The following C3orf52 variants were observed in gnomAD, a reference collection of about 807,000 sequenced individuals.
The protein encoded by C3orf52 is TPA-induced transmembrane protein.
In C3orf52, 22 loss-of-function variants were observed where a neutral mutation model predicts 24.8. The ratio of observed to expected loss-of-function variants is 0.89; its 90% CI spans 0.63 to 1.27. The LOEUF is 1.27. Among genes scored for constraint, C3orf52 ranks in the 50% most tolerant of loss-of-function variants. The pLI, the probability that C3orf52 is intolerant of heterozygous loss-of-function variation, is 0.00. For synonymous variants in C3orf52, 93 were observed against 100.2 expected, an observed-to-expected ratio of 0.93 and a Z score of 0.43; for missense variants, 265 against 260.7, an observed-to-expected ratio of 1.02 and a Z score of -0.11.
At chr3:112,115,329 A>G (rs2074124910) in intron 5 of C3orf52, among the ~76,000 whole-genome samples, 1 of 152,062 alleles carries the variant, frequency 6.6e-6, no homozygotes. Context: ...CAAACTCTAG[A>G]GAAAGGGAAA....
intron 4 of C3orf52, chr3:112,112,542 G>A (rs982530904): frequency 5.0e-5 from 10 of 198,800 alleles, no homozygotes; most frequent in Non-Finnish European, 9.5e-5. Context: ...GCACACCTTT[G>A]TGGGGGCAAT....
intron 3 of C3orf52, 122 bp from the exon 4 acceptor site, chr3:112,109,421 T>G (rs959532964): frequency 3.8e-6 from 2 of 519,510 alleles, no homozygotes; most frequent in Non-Finnish European, 3.5e-6. Flanking sequence ...AGCTTCCAGA[T>G]AACGTTGATT....
chr3:112,133,292 G>A, downstream of C3orf52: 1 of 694,586 alleles, frequency 1.4e-6, no homozygotes, highest in South Asian at 1.8e-5. Context: ...GAGGCTGGGG[G>A]AGGAGTGTTA....
downstream of C3orf52, chr3:112,119,574 C>T: frequency 1.4e-6 from 1 of 701,290 alleles, no homozygotes; most frequent in East Asian, 2.7e-5. Flanking sequence ...TACATATTCT[C>T]TCTTTTGTCT....
At chr3:112,133,172 G>C (rs768683994), downstream of C3orf52, 2 of 1,602,360 alleles carry the variant, frequency 1.2e-6, no homozygotes, top group African/African-American at 2.7e-5. Context: ...CTTCCTTCTT[G>C]CCTTGTGCTC....
At chr3:112,100,821 T>A (rs2073966316) in intron 2 of C3orf52, among the ~76,000 whole-genome samples, 1 of 152,350 alleles carries the variant, frequency 6.6e-6, no homozygotes, top group South Asian at 2.1e-4. Context: ...GCAAGGAATT[T>A]TAAGCACATG....
At chr3:112,103,975 G>A (rs1010247039) in intron 3 of C3orf52, among the ~76,000 whole-genome samples, 1 of 152,174 alleles carries the variant, frequency 6.6e-6, no homozygotes, top group Non-Finnish European at 1.5e-5. Flanking sequence ...CTGTGTTTTG[G>A]TGGAGAAAGC....
At chr3:112,116,009 A>G (rs945470094) in intron 5 of C3orf52, among the ~76,000 whole-genome samples, 3 of 152,192 alleles carry the variant, frequency 2.0e-5, no homozygotes, top group Non-Finnish European at 4.4e-5. Context: ...TTTTGGACAC[A>G]GAGGAGGTAC....
At chr3:112,114,644 C>T (rs1268553768) in intron 5 of C3orf52, among the ~76,000 whole-genome samples, 5 of 151,834 alleles carry the variant, frequency 3.3e-5, no homozygotes, top group African/African-American at 7.3e-5. Context: ...GCAGAGGTTG[C>T]GGTGAGCCGA....
chr3:112,092,411 A>C (rs1275964035), intron 1 of C3orf52, among the ~76,000 whole-genome samples: 1 of 152,110 alleles, frequency 6.6e-6, no homozygotes, highest in Non-Finnish European at 1.5e-5. Context: ...GAATTATCTA[A>C]TGGTGGAGTG....
chr3:112,123,358 A>C, intron 4 of C3orf52: 1 of 1,536,420 alleles, frequency 6.5e-7, no homozygotes, highest in East Asian at 2.3e-5. Flanking sequence ...GTGGGAGATA[A>C]GCTGGAGGGA....
chr3:112,132,726 G>A (rs944672440), downstream of C3orf52: 2 of 947,908 alleles, frequency 2.1e-6, no homozygotes, highest in Non-Finnish European at 2.5e-6. Context: ...CTGAAAGAGG[G>A]TGGTGATTTT....
chr3:112,115,804 C>T (rs1365100738), intron 5 of C3orf52, among the ~76,000 whole-genome samples: 1 of 152,026 alleles, frequency 6.6e-6, no homozygotes, highest in Non-Finnish European at 1.5e-5. Flanking sequence ...ATTATTTTGA[C>T]CTGACTGCAT....
At chr3:112,132,589 A>G, downstream of C3orf52, 2 of 924,526 alleles carry the variant, frequency 2.2e-6, no homozygotes, top group Non-Finnish European at 2.6e-6. Context: ...AGGTCCAGAA[A>G]GTAAATCTGA....
chr3:112,126,867 G>T, intron 4 of C3orf52: 1 of 760,450 alleles, frequency 1.3e-6, no homozygotes, highest in Non-Finnish European at 2.3e-6. Context: ...ATACAGTAAA[G>T]CAAAATGTGT....
chr3:112,089,288 G>C (rs1423961311), intron 1 of C3orf52, among the ~76,000 whole-genome samples: 1 of 152,108 alleles, frequency 6.6e-6, no homozygotes, highest in African/African-American at 2.4e-5. Flanking sequence ...CACTTTGGGA[G>C]GCCAAGGCAG....
intron 4 of C3orf52, among the ~76,000 whole-genome samples, chr3:112,126,528 T>C (rs1450377372): frequency 2.0e-5 from 3 of 152,212 alleles, no homozygotes; most frequent in African/African-American, 7.2e-5. Flanking sequence ...ATTTGTTTTC[T>C]GCACAGGAAC....
At chr3:112,133,201 C>G, downstream of C3orf52, 1 of 1,510,244 alleles carries the variant, frequency 6.6e-7, no homozygotes, top group Non-Finnish European at 9.2e-7. Flanking sequence ...CAACTCCTGA[C>G]TTAAAGAAAG....
At chr3:112,132,756 AGG>A, downstream of C3orf52, 1 of 639,584 alleles carries the variant, frequency 1.6e-6, no homozygotes, top group Non-Finnish European at 2.0e-6. Flanking sequence ...GTGGAGCATG[AGG>A]AGCTCAGGAG....
Sources: allele counts gnomAD v4.1 joint callset (sites outside exome capture counted in the v4.1 genomes callset), GRCh38; gene constraint gnomAD v4.1.1; transcripts MANE v1.5; gene names NCBI Gene and HGNC (gene_info 2026-07-23, HGNC 2026-07-21).